The following B4GALT5 variants were observed in gnomAD, a reference collection of about 807,000 sequenced individuals.
B4GALT5 encodes beta-1,4-galactosyltransferase 5.
B4GALT5 carries 11 observed loss-of-function variants against 45.0 expected under a neutral mutation model. The ratio of observed to expected loss-of-function variants is 0.24; its 90% CI spans 0.15 to 0.40. B4GALT5 has a LOEUF of 0.40. Ranked by LOEUF, B4GALT5 falls within the 10% of genes least tolerant of loss-of-function variation. B4GALT5 has a pLI of 1.00. For synonymous variants in B4GALT5, 185 were observed against 182.9 expected (o/e 1.01, Z -0.09); for missense variants, 337 against 500.2 (o/e 0.67, Z 3.11).
intron 1 of B4GALT5, among the ~76,000 whole-genome samples, chr20:49,668,512 G>A (rs191574652): frequency 1.6e-4 from 24 of 150,212 alleles, no homozygotes; most frequent in Non-Finnish European, 3.1e-4. Context: ...ATAAGCTTGG[G>A]TGGGAGAAAA....
At chr20:49,672,345 CA>C (rs1408121556) in intron 1 of B4GALT5, among the ~76,000 whole-genome samples, 3 of 152,162 alleles carry the variant, frequency 2.0e-5, no homozygotes, top group Non-Finnish European at 2.9e-5. Flanking sequence ...CATAAAAAGG[CA>C]AAAGATGCCA....
chr20:49,643,778 C>T (rs1229970162), intron 3 of B4GALT5, 128 bp from the exon 4 acceptor site: 5 of 949,158 alleles, frequency 5.3e-6, no homozygotes, highest in Non-Finnish European at 6.1e-6. Flanking sequence ...GATGGAAGTC[C>T]CTTCCTCTGC....
intron 1 of B4GALT5, among the ~76,000 whole-genome samples, chr20:49,713,161 G>C (rs2085925799): frequency 6.6e-6 from 1 of 151,424 alleles, no homozygotes; most frequent in Non-Finnish European, 1.5e-5. Flanking sequence ...CGCCGCGGGG[G>C]ACTGGGGTGC....
chr20:49,695,561 G>A (rs1342737478), intron 1 of B4GALT5, among the ~76,000 whole-genome samples: 1 of 152,054 alleles, frequency 6.6e-6, no homozygotes, highest in Non-Finnish European at 1.5e-5. Context: ...ACAAGCATAT[G>A]CCACCATGCC....
chr20:49,702,824 C>T (rs751693595), intron 1 of B4GALT5, among the ~76,000 whole-genome samples: 53 of 151,658 alleles, frequency 3.5e-4, no homozygotes, highest in Admixed American at 1.1e-3. Context: ...CACTGCACTC[C>T]AGCATGGGCA....
chr20:49,707,829 G>A lies in B4GALT5; in HGVS notation c.115+5747C>T, dbSNP rs149516660. ...AGGTTTCACTATGTTGCCCAGGATCGTCTTGAACTCCTGGACACAAGGAAT... is the reference window on the plus strand; with the variant it reads ...AGGTTTCACTATGTTGCCCAGGATCATCTTGAACTCCTGGACACAAGGAAT... On this transcript the variant is annotated intron_variant, in intron 1 of 8. Coordinates refer to ENST00000371711, the MANE Select transcript of B4GALT5 (RefSeq NM_004776.4). Among the ~76,000 whole-genome samples the A allele has an allele frequency of 9.4e-4, 143 of 151,572 alleles. 2 individuals are homozygous for A. The highest frequency in any genetic ancestry group is 2.9e-3 in the African/African-American group (119 of 41,280).
chr20:49,705,749 T>C (rs993349350), intron 1 of B4GALT5, among the ~76,000 whole-genome samples: 3 of 152,092 alleles, frequency 2.0e-5, no homozygotes, highest in Non-Finnish European at 2.9e-5. Context: ...ATCTGCACAA[T>C]AGTCCAGTCT....
intron 1 of B4GALT5, among the ~76,000 whole-genome samples, chr20:49,659,216 C>T (rs1483340794): frequency 6.6e-6 from 1 of 152,218 alleles, no homozygotes; most frequent in Non-Finnish European, 1.5e-5. Flanking sequence ...TCTTTCTTGA[C>T]CTTTCTTAAT....
chr20:49,640,344 T>C, intron 6 of B4GALT5, 134 bp downstream of exon 6: 1 of 728,078 alleles, frequency 1.4e-6, no homozygotes, highest in Non-Finnish European at 2.1e-6. Context: ...GCTCCAATTG[T>C]ATGGATACAC....
At chr20:49,659,904 G>A (rs553426635) in intron 1 of B4GALT5, among the ~76,000 whole-genome samples, 3 of 151,702 alleles carry the variant, frequency 2.0e-5, no homozygotes, top group Non-Finnish European at 4.4e-5. Context: ...AGCCTCCCAA[G>A]TAGCTGGGAC....
At chr20:49,661,019 T>C (rs1486449212) in intron 1 of B4GALT5, among the ~76,000 whole-genome samples, 1 of 152,160 alleles carries the variant, frequency 6.6e-6, no homozygotes, top group Non-Finnish European at 1.5e-5. Context: ...TGGCCTAAAG[T>C]AGGAAGTACA....
chr20:49,696,402 C>A (rs2085839703), intron 1 of B4GALT5, among the ~76,000 whole-genome samples: 1 of 152,114 alleles, frequency 6.6e-6, no homozygotes, highest in Non-Finnish European at 1.5e-5. Context: ...GACTTGACAT[C>A]GAAGGGGCTA....
intron 2 of B4GALT5, among the ~76,000 whole-genome samples, chr20:49,648,029 A>G (rs1254880796): frequency 6.6e-6 from 1 of 151,554 alleles, no homozygotes; most frequent in Non-Finnish European, 1.5e-5. Context: ...CCTTCCTTTA[A>G]TCATCATCTC....
chr20:49,688,343 G>A (rs1288163393), intron 1 of B4GALT5, among the ~76,000 whole-genome samples: 1 of 152,082 alleles, frequency 6.6e-6, no homozygotes, highest in Non-Finnish European at 1.5e-5. Flanking sequence ...GACACACCGT[G>A]GGGGACAAAG....
intron 1 of B4GALT5, among the ~76,000 whole-genome samples, chr20:49,699,367 C>CA (rs11476698): frequency 0.019 from 1,750 of 93,182 alleles, 32 homozygotes; most frequent in East Asian, 0.037. Context: ...CCTAAATGGG[C>CA]AAAAAAAAAA....
At chr20:49,636,976 CAGA>C (rs894840719) in intron 8 of B4GALT5, among the ~76,000 whole-genome samples, 8 of 151,784 alleles carry the variant, frequency 5.3e-5, no homozygotes, top group Middle Eastern at 3.4e-3. Context: ...GCCACCCAGA[CAGA>C]AGCTCAGGAC....
intron 5 of B4GALT5, among the ~76,000 whole-genome samples, chr20:49,641,873 A>C (rs1305473219): frequency 6.6e-6 from 1 of 152,206 alleles, no homozygotes; most frequent in African/African-American, 2.4e-5. Flanking sequence ...TAGGCCCGGC[A>C]AGAGAAAACC....
At chr20:49,699,491 A>G (rs2146358876) in intron 1 of B4GALT5, among the ~76,000 whole-genome samples, 1 of 152,198 alleles carries the variant, frequency 6.6e-6, no homozygotes, top group East Asian at 1.9e-4. Context: ...ATCATACAGC[A>G]GTCCTCCCTT....
rs1984449447 is a variant in B4GALT5 at position 49,634,199 on chromosome 20, A to G, written c.*2113T>C. ...TCTTCAAAAGAACAAAAACACAAAC[A>G]AACAAACAAACAAAACAAGGCCTGG... On this transcript the variant is annotated 3_prime_UTR_variant, in exon 9 of 9. Transcript: ENST00000371711. The G allele has an allele frequency of 1.3e-5, 2 of 152,604 alleles. No homozygotes were observed. Among genetic ancestry groups the G allele is most frequent in the Admixed American group, 1.3e-4 (2 of 15,274 alleles). 9.5% of individuals were successfully genotyped at this position (152,604 alleles called of 1,614,324 possible).
Sources: gnomAD v4.1 joint callset for allele counts (sites outside exome capture counted in the v4.1 genomes callset) on GRCh38, gnomAD v4.1.1 for gene constraint, MANE v1.5 for transcripts, NCBI Gene and HGNC (gene_info 2026-07-23, HGNC 2026-07-21) for gene names.